Variants in PDZD2 observed in about 807,000 individuals in gnomAD.
PDZD2 encodes PDZ domain containing 2, also known as PDZ domain-containing protein 2.
A neutral mutation model predicts 220.7 loss-of-function variants in PDZD2; 90 were observed. The ratio of observed to expected loss-of-function variants is 0.41; its 90% CI spans 0.34 to 0.49. The LOEUF is 0.49. Among genes scored for constraint, PDZD2 ranks in the 20% least tolerant of loss-of-function variants. The pLI, the probability that PDZD2 is intolerant of heterozygous loss-of-function variation, is 0.28. For missense variants in PDZD2, 3,174 were observed against 3,608.5 expected, an observed-to-expected ratio of 0.88 and a Z score of 3.08; for synonymous variants, 1,375 against 1,450.5, an observed-to-expected ratio of 0.95 and a Z score of 1.18.
intron 2 of PDZD2, among the ~76,000 whole-genome samples, chr5:31,835,438 A>G (rs35420943): frequency 0.78 from 117,142 of 149,750 alleles, 46,397 homozygotes; most frequent in Non-Finnish European, 0.86. Flanking sequence ...GGCCAACATG[A>G]TGAAACCTGT....
rs374181588 is a variant in PDZD2, at chr5:31,875,319, T to C, written c.476+75595T>C. ...TATTTCAAGGCCAGGCATGGTGGCT[T>C]ATGCCTGTAATCCCAGCACTTTGGG... is the stretch of plus-strand genomic sequence containing the variant. On this transcript the variant is annotated intron_variant, in intron 2 of 24. Coordinates refer to ENST00000438447, the MANE Select transcript of PDZD2 (RefSeq NM_178140.4). Among the ~76,000 whole-genome samples, 82 of 152,112 alleles carry C rather than the reference T, an allele frequency of 5.4e-4. 1 individual carries two copies. In the East Asian group the frequency reaches 0.016, roughly 29 times the overall value.
At chr5:31,753,801 G>A (rs1751152187) in intron 1 of PDZD2, among the ~76,000 whole-genome samples, 1 of 152,190 alleles carries the variant, frequency 6.6e-6, no homozygotes. Context: ...CCTGTTACCA[G>A]TTTGAGACCT....
At position 31,953,660 on chromosome 5, in the gene PDZD2, A is replaced by AATTT. The variant is rs59213187; in HGVS notation, c.477-29495_477-29494insATTT. Among the ~76,000 whole-genome samples the AATTT allele has an allele frequency of 5.8e-3, 810 of 138,556 alleles. 9 individuals are homozygous for AATTT. Among genetic ancestry groups the AATTT allele is most frequent in the East Asian group, 0.022 (102 of 4,562 alleles). 90.9% of individuals were successfully genotyped at this position (138,556 alleles called of 152,430 possible). On this transcript the variant is annotated intron_variant, in intron 2 of 24. Transcript: ENST00000438447. Reference sequence around the variant, plus strand: ...CAAGACCCTGTCTCTTAAAAAAAAAATTTTTTTTTTTTTTTGAGACAGTCT... The same window carrying AATTT: ...CAAGACCCTGTCTCTTAAAAAAAAAAATTTTTTTTTTTTTTTTTTGAGACAGTCT...
intron 2 of PDZD2, among the ~76,000 whole-genome samples, chr5:31,801,720 G>T (rs1434374057): frequency 6.6e-6 from 1 of 152,124 alleles, no homozygotes; most frequent in East Asian, 1.9e-4. Flanking sequence ...TGTGAAATGG[G>T]AATCATAAGA....
chr5:31,890,746 C>T (rs1318484297), intron 2 of PDZD2, among the ~76,000 whole-genome samples: 1 of 152,102 alleles, frequency 6.6e-6, no homozygotes, highest in African/African-American at 2.4e-5. Context: ...CCTGTGGGCC[C>T]CTAAATCCAA....
intron 7 of PDZD2, among the ~76,000 whole-genome samples, chr5:32,041,997 C>T (rs954028686): frequency 1.4e-5 from 2 of 141,162 alleles, no homozygotes; most frequent in Non-Finnish European, 3.1e-5. Flanking sequence ...GGGCGGCTCA[C>T]GAGGTCAGGA....
intron 2 of PDZD2, among the ~76,000 whole-genome samples, chr5:31,860,873 C>T (rs1737638778): frequency 6.6e-6 from 1 of 152,156 alleles, no homozygotes; most frequent in African/African-American, 2.4e-5. Flanking sequence ...ATGTCCATTT[C>T]CTTCTTTGGC....
At chr5:31,969,415 G>A (rs893960248) in intron 2 of PDZD2, among the ~76,000 whole-genome samples, 2 of 150,070 alleles carry the variant, frequency 1.3e-5, no homozygotes, top group East Asian at 3.9e-4. Flanking sequence ...AGGCTGAGGT[G>A]GGGGAATGGC....
intron 1 of PDZD2, among the ~76,000 whole-genome samples, chr5:31,652,879 G>A (rs1360722265): frequency 6.6e-6 from 1 of 152,134 alleles, no homozygotes; most frequent in Non-Finnish European, 1.5e-5. Flanking sequence ...GGGCATGGTG[G>A]TACACGCCTG....
chr5:31,955,272 G>T (rs1225658147), intron 2 of PDZD2, among the ~76,000 whole-genome samples: 2 of 151,672 alleles, frequency 1.3e-5, no homozygotes, highest in South Asian at 2.1e-4. Flanking sequence ...ATGTTGGTTG[G>T]CCTCCATCTT....
At chr5:31,724,182 C>A (rs556076735) in intron 1 of PDZD2, among the ~76,000 whole-genome samples, 2 of 152,170 alleles carry the variant, frequency 1.3e-5, no homozygotes, top group African/African-American at 4.8e-5. Flanking sequence ...TTTCCCCTTA[C>A]AATCCTTTTG....
At chr5:31,660,603 C>T (rs531962857) in intron 1 of PDZD2, among the ~76,000 whole-genome samples, 23 of 152,242 alleles carry the variant, frequency 1.5e-4, no homozygotes, top group African/African-American at 5.1e-4. Context: ...CTTGAGAGAA[C>T]TCACTCACTA....
chr5:31,769,681 C>G (rs1476350394), intron 1 of PDZD2, among the ~76,000 whole-genome samples: 2 of 152,170 alleles, frequency 1.3e-5, no homozygotes, highest in African/African-American at 4.8e-5. Context: ...ATTTTTAATG[C>G]AAAATGCAGA....
intron 2 of PDZD2, among the ~76,000 whole-genome samples, chr5:31,976,649 G>A (rs1215287285): frequency 6.6e-6 from 1 of 151,694 alleles, no homozygotes; most frequent in Non-Finnish European, 1.5e-5. Flanking sequence ...ACAAGCCAGT[G>A]CCCAGTGGTG....
intron 1 of PDZD2, among the ~76,000 whole-genome samples, chr5:31,697,900 ATCATTTT>A (rs1185921449): frequency 0.016 from 786 of 49,000 alleles, 7 homozygotes; most frequent in African/African-American, 0.084. Context: ...TATTATTATT[ATCATTTT>A]TTATCATTTT....
intron 2 of PDZD2, among the ~76,000 whole-genome samples, chr5:31,861,274 A>G (rs569861219): frequency 6.6e-6 from 1 of 152,130 alleles, no homozygotes; most frequent in South Asian, 2.1e-4. Context: ...GAGATGATTA[A>G]TTTTCTCCCT....
At chr5:31,685,023 A>G (rs1481998919) in intron 1 of PDZD2, among the ~76,000 whole-genome samples, 1 of 152,226 alleles carries the variant, frequency 6.6e-6, no homozygotes. Flanking sequence ...CCTGGCACCT[A>G]GCAGGCACTG....
chr5:31,652,174 T>TGTTC lies in PDZD2; in HGVS notation c.-361+12737_-361+12738insGTTC, dbSNP rs1554059631. On this transcript the variant is annotated intron_variant, in intron 1 of 24. Coordinates refer to ENST00000438447, the MANE Select transcript of PDZD2 (RefSeq NM_178140.4). ...TTGTTTGTTTGTTTGTTTGTTTGTT[T>TGTTC]TAGAGACAGTGTCTTGCCATGTTAC... Among the ~76,000 whole-genome samples, 3 of 147,952 alleles carry TGTTC rather than the reference T, an allele frequency of 2.0e-5. No individual in the cohort carries two copies. In the East Asian group the frequency reaches 5.9e-4, roughly 29 times the overall value.
intron 19 of PDZD2, among the ~76,000 whole-genome samples, chr5:32,085,452 A>AT (rs924402436): frequency 0.044 from 6,242 of 142,670 alleles, 406 homozygotes; most frequent in African/African-American, 0.089. Context: ...CCTTATTATT[A>AT]TTTTTTTTTT....
Sources: gnomAD v4.1 joint callset for allele counts (sites outside exome capture counted in the v4.1 genomes callset) on GRCh38, gnomAD v4.1.1 for gene constraint, MANE v1.5 for transcripts, NCBI Gene and HGNC (gene_info 2026-07-23, HGNC 2026-07-21) for gene names.